CNTNAP2: variants seen among roughly 807,000 people sequenced by gnomAD.
CNTNAP2 encodes contactin associated protein 2, also known as contactin-associated protein-like 2.
CNTNAP2 carries 98 observed loss-of-function variants against 155.2 expected under a neutral mutation model. That is an observed-to-expected ratio of 0.63 (90% CI 0.54 to 0.75). The LOEUF is 0.75. Among genes scored for constraint, CNTNAP2 ranks in the 30% least tolerant of loss-of-function variants. The pLI is 0.00. For synonymous variants in CNTNAP2, 651 were observed against 631.2 expected (o/e 1.03, Z -0.47); for missense variants, 1,727 against 1,688.1 (o/e 1.02, Z -0.40).
Position 146,777,129 on chromosome 7 carries a change from A to G in CNTNAP2, c.208+2748A>G, listed in dbSNP as rs115346103. On this transcript the variant is annotated intron_variant, in intron 2 of 23. Transcript: ENST00000361727. ...ACAGTTCATCTCTTTTTGACCATTG[A>G]TATACTGGATTGTCATACATTAGGG... is the stretch of plus-strand genomic sequence containing the variant. 2.6e-3 allele frequency among the ~76,000 whole-genome samples: 389 copies of G among 152,210 alleles called. 1 individual carries two copies. The highest frequency in any genetic ancestry group is 9.0e-3 in the African/African-American group (373 of 41,538).
intron 15 of CNTNAP2, among the ~76,000 whole-genome samples, chr7:148,028,487 G>T (rs1051451643): frequency 2.9e-4 from 44 of 152,146 alleles, no homozygotes; most frequent in Non-Finnish European, 7.3e-5. Context: ...AAGGTGGAAG[G>T]ATCACTTGAG....
intron 21 of CNTNAP2, among the ~76,000 whole-genome samples, chr7:148,304,146 CAA>C (rs1415360472): frequency 6.6e-6 from 1 of 151,944 alleles, no homozygotes; most frequent in Non-Finnish European, 1.5e-5. Context: ...ATAAAAAAGC[CAA>C]AAGAGAGGAA....
Position 147,072,183 on chromosome 7 carries a change from G to A in CNTNAP2, c.550+28129G>A, listed in dbSNP as rs142523177. Among the ~76,000 whole-genome samples, 49 of 152,206 alleles carry A rather than the reference G, an allele frequency of 3.2e-4. 1 individual carries two copies. In the South Asian group the frequency reaches 9.6e-3, roughly 30 times the overall value. ...AGGGTCATATTTCAGGTAAACAAAA[G>A]AGCATAAACAGAACTCTTGGGGCAG... is the stretch of plus-strand genomic sequence containing the variant. On this transcript the variant is annotated intron_variant, in intron 4 of 23. Transcript: ENST00000361727.
chr7:147,724,754 G>C (rs1796618266), intron 13 of CNTNAP2, among the ~76,000 whole-genome samples: 3 of 151,936 alleles, frequency 2.0e-5, no homozygotes, highest in Admixed American at 2.0e-4. Flanking sequence ...CAGAAGTATA[G>C]TCTTGCTCAC....
chr7:146,839,865 G>A lies in CNTNAP2; in HGVS notation c.363G>A (p.Gly121=). 6.2e-7 allele frequency: 1 copy of A among 1,614,168 alleles called. No individual in the cohort carries two copies. The highest frequency in any genetic ancestry group is 8.5e-7 in the Non-Finnish European group (1 of 1,180,028). ...TQYRMLYSDT[G]RNWKPYHQDG... ...ACCGGATGCTCTACAGCGACACAGG[G>A]AGAAACTGGAAACCCTATCATCAAG... Residue 121 remains glycine, a synonymous_variant, in exon 3 of 24, where the codon GGG becomes GGA. Coordinates refer to ENST00000361727, the MANE Select transcript of CNTNAP2 (RefSeq NM_014141.6).
chr7:146,261,504 C>T (rs1799918641), intron 1 of CNTNAP2, among the ~76,000 whole-genome samples: 1 of 151,726 alleles, frequency 6.6e-6, no homozygotes, highest in South Asian at 2.1e-4. Context: ...AGGGAGGGCA[C>T]ACCAAAAAAT....
intron 1 of CNTNAP2, among the ~76,000 whole-genome samples, chr7:146,240,568 TA>T (rs1258800923): frequency 4.6e-5 from 7 of 151,534 alleles, no homozygotes; most frequent in Non-Finnish European, 1.5e-5. Flanking sequence ...CACACTTATG[TA>T]CATTAAATGC....
chr7:146,469,249 C>A (rs1448951796), intron 1 of CNTNAP2, among the ~76,000 whole-genome samples: 2 of 152,006 alleles, frequency 1.3e-5, no homozygotes, highest in Non-Finnish European at 2.9e-5. Flanking sequence ...TCCTTCTGAC[C>A]AATCCAGCTG....
chr7:147,831,236 A>T (rs1399898863), intron 13 of CNTNAP2, among the ~76,000 whole-genome samples: 1 of 152,236 alleles, frequency 6.6e-6, no homozygotes. Flanking sequence ...TACACAAGAT[A>T]CAAGTTTCAG....
chr7:148,091,787 A>T (rs1803846691), intron 15 of CNTNAP2, among the ~76,000 whole-genome samples: 1 of 152,184 alleles, frequency 6.6e-6, no homozygotes, highest in African/African-American at 2.4e-5. Context: ...CCTCAAAGAT[A>T]CTACAAGCAA....
At chr7:147,774,004 A>AT (rs1404082030) in intron 13 of CNTNAP2, among the ~76,000 whole-genome samples, 1 of 151,890 alleles carries the variant, frequency 6.6e-6, no homozygotes, top group Non-Finnish European at 1.5e-5. Context: ...AGCCTCTTTG[A>AT]TTTTTGTTGT....
chr7:148,102,485 T>C (rs1419223471), intron 15 of CNTNAP2, among the ~76,000 whole-genome samples: 1 of 152,254 alleles, frequency 6.6e-6, no homozygotes. Flanking sequence ...TTTGGATATA[T>C]ACCCAGTAAT....
intron 1 of CNTNAP2, among the ~76,000 whole-genome samples, chr7:146,172,767 C>G (rs188187856): frequency 3.3e-5 from 5 of 152,268 alleles, no homozygotes; most frequent in Admixed American, 3.3e-4. Flanking sequence ...TTTCAGAATT[C>G]TCAGTTTAAG....
At chr7:147,375,316 A>G (rs994730303) in intron 9 of CNTNAP2, among the ~76,000 whole-genome samples, 1 of 151,992 alleles carries the variant, frequency 6.6e-6, no homozygotes, top group Non-Finnish European at 1.5e-5. Flanking sequence ...GTGAGTCACA[A>G]TTTTTAAGTA....
At chr7:147,116,475 G>T (rs1223382542) in intron 5 of CNTNAP2, among the ~76,000 whole-genome samples, 1 of 152,168 alleles carries the variant, frequency 6.6e-6, no homozygotes, top group Non-Finnish European at 1.5e-5. Flanking sequence ...CAGGCACTTT[G>T]TCCCGTGGAG....
At chr7:148,036,578 G>A (rs996766417) in intron 15 of CNTNAP2, among the ~76,000 whole-genome samples, 1 of 152,008 alleles carries the variant, frequency 6.6e-6, no homozygotes, top group Non-Finnish European at 1.5e-5. Context: ...CCTTGATCTT[G>A]GATGTCCCAG....
chr7:147,543,159 T>G (rs2116748508), intron 11 of CNTNAP2, among the ~76,000 whole-genome samples: 1 of 152,342 alleles, frequency 6.6e-6, no homozygotes, highest in East Asian at 1.9e-4. Flanking sequence ...CTATAGATAT[T>G]AAATTAACTA....
chr7:146,579,062 G>C (rs1018954083), intron 1 of CNTNAP2, among the ~76,000 whole-genome samples: 1 of 151,900 alleles, frequency 6.6e-6, no homozygotes, highest in African/African-American at 2.4e-5. Context: ...ATATGTTTTT[G>C]CTGGGAAAAA....
chr7:148,084,534 TCTTC>T (rs1803680413), intron 15 of CNTNAP2, among the ~76,000 whole-genome samples: 1 of 152,226 alleles, frequency 6.6e-6, no homozygotes, highest in African/African-American at 2.4e-5. Flanking sequence ...ATCTTTTCTT[TCTTC>T]CTTTTTTCTT....
Sources: allele counts gnomAD v4.1 joint callset (sites outside exome capture counted in the v4.1 genomes callset), GRCh38; gene constraint gnomAD v4.1.1; transcripts MANE v1.5; gene names NCBI Gene and HGNC (gene_info 2026-07-23, HGNC 2026-07-21).